The following RHD variants were observed in gnomAD, a reference collection of about 807,000 sequenced individuals.
The protein encoded by RHD is blood group Rh(D) polypeptide.
In RHD, 16 loss-of-function variants were observed where a neutral mutation model predicts 45.5. That is an observed-to-expected ratio of 0.35 (90% CI 0.24 to 0.53). The LOEUF (loss-of-function observed/expected upper bound fraction) is 0.53. Ranked by LOEUF, RHD falls within the 20% of genes least tolerant of loss-of-function variation. The pLI is 0.92. For missense variants in RHD, 306 were observed against 532.0 expected, an observed-to-expected ratio of 0.58 and a Z score of 4.18; for synonymous variants, 131 against 217.5, an observed-to-expected ratio of 0.60 and a Z score of 3.50.
chr1:25,274,172 A>G (rs1640732398), intron 1 of RHD, among the ~76,000 whole-genome samples: 1 of 132,118 alleles, frequency 7.6e-6, no homozygotes, highest in Non-Finnish European at 1.8e-5. Flanking sequence ...GAACCCTCAC[A>G]ATAACCCAAT....
rs545641933 is a variant in RHD, at chr1:25,303,044, T to C, written c.802-278T>C. Reference sequence around the variant, plus strand: ...ACACACCACTAATGAGTGTGATGGGTGCCTAGGATGCTGAGCACCTGGACT... The same window carrying C: ...ACACACCACTAATGAGTGTGATGGGCGCCTAGGATGCTGAGCACCTGGACT... On this transcript the variant is annotated intron_variant, in intron 5 of 9. Coordinates refer to ENST00000328664, the MANE Select transcript of RHD (RefSeq NM_016124.6). Among the ~76,000 whole-genome samples, 51 of 131,300 alleles carry C rather than the reference T, an allele frequency of 3.9e-4. 4 individuals are homozygous for C. In the East Asian group the frequency reaches 5.3e-3, roughly 14 times the overall value. 86.1% of individuals were successfully genotyped at this position (131,300 alleles called of 152,430 possible).
intron 1 of RHD, among the ~76,000 whole-genome samples, chr1:25,277,334 G>A (rs1488443778): frequency 1.5e-5 from 2 of 130,398 alleles, no homozygotes; most frequent in Admixed American, 7.4e-5. Flanking sequence ...GTTTCTCAAA[G>A]TGTGGTCCCC....
chr1:25,272,784 C>T (rs1640603056), intron 1 of RHD, 89 bp downstream of exon 1: 1 of 1,319,060 alleles, frequency 7.6e-7, no homozygotes, highest in Non-Finnish European at 1.1e-6. Context: ...CACAGATGTT[C>T]CTTTCTACAA....
At position 25,296,242 on chromosome 1, in the gene RHD, T is replaced by G. The variant is rs554261306; in HGVS notation, c.487-4704T>G. Among the ~76,000 whole-genome samples, 12 of 125,840 alleles carry G rather than the reference T, an allele frequency of 9.5e-5. 4 individuals carry two copies. The highest frequency in any genetic ancestry group is 2.0e-4 in the Non-Finnish European group (11 of 53,792). 82.6% of individuals were successfully genotyped at this position (125,840 alleles called of 152,430 possible). A position where few individuals can be genotyped will look rare whatever the true frequency, so the allele number is the denominator to read the frequency against. The stretch of plus-strand genomic sequence containing the variant: ...ACCCCTAAATACTTCAGTGTACATT[T>G]CTTTTTTTTTTTTTCTTTGAGACAG... On this transcript the variant is annotated intron_variant, in intron 3 of 9. Coordinates refer to ENST00000328664, the MANE Select transcript of RHD (RefSeq NM_016124.6).
chr1:25,290,862 G>T (rs768386497), intron 3 of RHD, 71 bp downstream of exon 3: 1 of 1,328,552 alleles, frequency 7.5e-7, no homozygotes, highest in Non-Finnish European at 1.1e-6. Flanking sequence ...GGGTTTCCAG[G>T]GTTTTGAAAA....
At chr1:25,294,097 T>C in intron 3 of RHD, 1 of 668,794 alleles carries the variant, frequency 1.5e-6, no homozygotes, top group Admixed American at 1.9e-5. Context: ...TATTGTGAGC[T>C]TAATGGCATG....
chr1:25,312,871 G>C lies in RHD; in HGVS notation c.1074-4129G>C, dbSNP rs1254389615. ...GGAGTTTGAGGCTGCAGTGAGCTAT[G>C]ATCATGCCACTGCATTCCAGCCTGG... On this transcript the variant is annotated intron_variant, in intron 7 of 9. Coordinates refer to ENST00000328664, the MANE Select transcript of RHD (RefSeq NM_016124.6). 2.7e-4 allele frequency among the ~76,000 whole-genome samples: 25 copies of C among 91,042 alleles called. 2 individuals carry two copies. The highest frequency in any genetic ancestry group is 9.2e-4 in the African/African-American group (25 of 27,028). The allele number at this position is 91,042 out of a possible 152,430, so 59.7% of individuals were successfully genotyped here.
rs1333811046 is a variant in RHD, at chr1:25,329,606, T to A, written c.*682T>A. On this transcript the variant is annotated 3_prime_UTR_variant, in exon 10 of 10. Transcript: ENST00000328664. Reference sequence around the variant, plus strand: ...AACTGCTTTGACATGACTGCAATCATGTGCTTCATAGAAACTTAATTAGAT... The same window carrying A: ...AACTGCTTTGACATGACTGCAATCAAGTGCTTCATAGAAACTTAATTAGAT... 2 of 140,852 alleles carry A rather than the reference T, an allele frequency of 1.4e-5. No individual in the cohort carries two copies. The highest frequency in any genetic ancestry group is 5.3e-5 in the African/African-American group (2 of 38,088). The allele number at this position is 140,852 out of a possible 1,614,324, so 8.7% of individuals were successfully genotyped here. A position where few individuals can be genotyped will look rare whatever the true frequency, so the allele number is the denominator to read the frequency against.
chr1:25,315,102 G>A (rs148491151), intron 7 of RHD, among the ~76,000 whole-genome samples: 1,640 of 128,500 alleles, frequency 0.013, 212 homozygotes, highest in African/African-American at 0.041. Flanking sequence ...TACTCGGGAG[G>A]CTGAGATCAC....
At chr1:25,279,820 G>A (rs1641317091) in intron 1 of RHD, among the ~76,000 whole-genome samples, 1 of 130,556 alleles carries the variant, frequency 7.7e-6, no homozygotes, top group Admixed American at 7.4e-5. Flanking sequence ...ATTCCCCTCT[G>A]GGTCCAGGCA....
Position 25,303,012 on chromosome 1 carries a change from C to T in RHD, c.802-310C>T, listed in dbSNP as rs2765553. 1.1e-3 allele frequency among the ~76,000 whole-genome samples: 147 copies of T among 128,944 alleles called. 11 individuals carry two copies. The highest frequency in any genetic ancestry group is 4.1e-3 in the East Asian group (21 of 5,098). The allele number at this position is 128,944 out of a possible 152,430, so 84.6% of individuals were successfully genotyped here. A position where few individuals can be genotyped will look rare whatever the true frequency, so the allele number is the denominator to read the frequency against. On this transcript the variant is annotated intron_variant, in intron 5 of 9. Coordinates refer to ENST00000328664, the MANE Select transcript of RHD (RefSeq NM_016124.6). Reference sequence around the variant, plus strand: ...AAACAAAAACCCATTCTTCCCGCTGCCCAGGGACACACCACTAATGAGTGT... The same window carrying T: ...AAACAAAAACCCATTCTTCCCGCTGTCCAGGGACACACCACTAATGAGTGT...
intron 8 of RHD, 112 bp from the exon 9 acceptor site, chr1:25,321,777 A>G: frequency 1.8e-6 from 1 of 551,504 alleles, no homozygotes; most frequent in Non-Finnish European, 3.5e-6. Flanking sequence ...TTGTGGGAGA[A>G]AAAGGATTTC....
rs192139469 is a variant in RHD at position 25,311,388 on chromosome 1, G to A, written c.1073+4659G>A. 4.6e-3 allele frequency among the ~76,000 whole-genome samples: 606 copies of A among 131,134 alleles called. 80 individuals carry two copies. Among genetic ancestry groups the A allele is most frequent in the African/African-American group, 0.014 (550 of 38,576 alleles). 86.0% of individuals were successfully genotyped at this position (131,134 alleles called of 152,430 possible). A position where few individuals can be genotyped will look rare whatever the true frequency, so the allele number is the denominator to read the frequency against. ...TAGTACACATAAATTAGCCAGGCGT[G>A]GTGGTGGGCGCCTGTATTCCCAGCT... On this transcript the variant is annotated intron_variant, in intron 7 of 9. Transcript: ENST00000328664.
chr1:25,301,000 C>T lies in RHD; in HGVS notation c.541C>T (p.Leu181=), dbSNP rs139508538. 1.3e-4 allele frequency: 182 copies of T among 1,378,584 alleles called. 34 individuals carry two copies. In the African/African-American group the frequency reaches 2.2e-3, roughly 17 times the overall value. 85.4% of individuals were successfully genotyped at this position (1,378,584 alleles called of 1,614,324 possible). A position where few individuals can be genotyped will look rare whatever the true frequency, so the allele number is the denominator to read the frequency against. ...HIYVFAAYFG[L]SVAWCLPKPL... is the part of the protein sequence containing the mutation. ...CTACGTGTTCGCAGCCTATTTTGGG[C>T]TGTCTGTGGCCTGGTGCCTGCCAAA... The change falls in exon 4 of 10, where the codon CTG becomes TTG. Residue 181 remains leucine, a synonymous_variant. Coordinates refer to ENST00000328664, the MANE Select transcript of RHD (RefSeq NM_016124.6).
At position 25,309,978 on chromosome 1, in the gene RHD, T is replaced by TA. The variant is rs956074682; in HGVS notation, c.1073+3256dup. On this transcript the variant is annotated intron_variant, in intron 7 of 9. Coordinates refer to ENST00000328664, the MANE Select transcript of RHD (RefSeq NM_016124.6). ...ATCCTCTATTCTGCCACTTATTACT[T>TA]AAAAAAACCCCAAAAAACCCAACTT... Among the ~76,000 whole-genome samples, 6 of 132,054 alleles carry TA rather than the reference T, an allele frequency of 4.5e-5. 1 individual carries two copies. The highest frequency in any genetic ancestry group is 9.0e-5 in the Non-Finnish European group (5 of 55,476). The allele number at this position is 132,054 out of a possible 152,430, so 86.6% of individuals were successfully genotyped here. A position where few individuals can be genotyped will look rare whatever the true frequency, so the allele number is the denominator to read the frequency against.
rs543543795 is a variant in RHD, at chr1:25,278,992, A to C, written c.149-5581A>C. ...GCCTGGGAGAGTGAAGCTGGGTGTGACTTCAGAGCTGTTGGTGCTGAAGTT... is the reference window on the plus strand; with the variant it reads ...GCCTGGGAGAGTGAAGCTGGGTGTGCCTTCAGAGCTGTTGGTGCTGAAGTT... On this transcript the variant is annotated intron_variant, in intron 1 of 9. Coordinates refer to ENST00000328664, the MANE Select transcript of RHD (RefSeq NM_016124.6). 6.7e-4 allele frequency among the ~76,000 whole-genome samples: 86 copies of C among 128,968 alleles called. 9 individuals carry two copies. The highest frequency in any genetic ancestry group is 1.7e-3 in the African/African-American group (62 of 37,036). The allele number at this position is 128,968 out of a possible 152,430, so 84.6% of individuals were successfully genotyped here. A position where few individuals can be genotyped will look rare whatever the true frequency, so the allele number is the denominator to read the frequency against.
chr1:25,287,665 A>G (rs1236427133), intron 2 of RHD, among the ~76,000 whole-genome samples: 1 of 135,578 alleles, frequency 7.4e-6, no homozygotes, highest in Non-Finnish European at 1.8e-5. Context: ...TAACTTAGCA[A>G]ATGGCTATTG....
In RHD at chr1:25,305,891, C is replaced by G. The variant is rs1281963724; in HGVS notation, c.940-705C>G. Among the ~76,000 whole-genome samples the G allele has an allele frequency of 2.3e-5, 3 of 131,364 alleles. 1 individual carries two copies. The highest frequency in any genetic ancestry group is 7.9e-5 in the African/African-American group (3 of 38,112). 86.2% of individuals were successfully genotyped at this position (131,364 alleles called of 152,430 possible). On this transcript the variant is annotated intron_variant, in intron 6 of 9. Coordinates refer to ENST00000328664, the MANE Select transcript of RHD (RefSeq NM_016124.6). ...TGCTGGGATTACAGGCATGAGCCACCGTGCCCAACCTGGATTTTTATTCTG... is the reference window on the plus strand; with the variant it reads ...TGCTGGGATTACAGGCATGAGCCACGGTGCCCAACCTGGATTTTTATTCTG...
intron 2 of RHD, among the ~76,000 whole-genome samples, chr1:25,285,476 AT>A (rs1249909670): frequency 1.5e-5 from 2 of 134,874 alleles, no homozygotes; most frequent in African/African-American, 5.1e-5. Flanking sequence ...CAGCCCCCTA[AT>A]GCTGCTAGAC....
Sources: allele counts gnomAD v4.1 joint callset (sites outside exome capture counted in the v4.1 genomes callset), GRCh38; gene constraint gnomAD v4.1.1; transcripts MANE v1.5; gene names NCBI Gene and HGNC (gene_info 2026-07-23, HGNC 2026-07-21).